SOX5: variants seen among roughly 807,000 people sequenced by gnomAD.
SOX5 encodes transcription factor SOX-5.
A neutral mutation model predicts 92.0 loss-of-function variants in SOX5; 9 were observed. The ratio of observed to expected loss-of-function variants is 0.10; its 90% CI spans 0.06 to 0.17. The LOEUF (loss-of-function observed/expected upper bound fraction) is 0.17, where lower values mean the gene tolerates loss of function less well. SOX5 is among the 10% of genes least tolerant of loss of function. The pLI, the probability that SOX5 is intolerant of heterozygous loss-of-function variation, is 1.00. For missense variants in SOX5, 642 were observed against 944.5 expected (o/e 0.68, Z 4.20); for synonymous variants, 344 against 336.3 (o/e 1.02, Z -0.25).
At chr12:24,320,235 T>C (rs1054022595) in intron 2 of SOX5, among the ~76,000 whole-genome samples, 5 of 152,206 alleles carry the variant, frequency 3.3e-5, no homozygotes, top group Admixed American at 1.3e-4. Context: ...CACAATCGAG[T>C]TAGAAATTGT....
At chr12:24,519,401 G>T (rs1950073851) in intron 1 of SOX5, among the ~76,000 whole-genome samples, 1 of 152,058 alleles carries the variant, frequency 6.6e-6, no homozygotes, top group African/African-American at 2.4e-5. Flanking sequence ...AGATGTGTAT[G>T]TGTTGTTGGG....
chr12:23,768,102 G>A (rs1457128629), intron 3 of SOX5, among the ~76,000 whole-genome samples: 2 of 152,040 alleles, frequency 1.3e-5, no homozygotes, highest in East Asian at 3.9e-4. Flanking sequence ...GTAGAAAAAT[G>A]CTTATTTACA....
rs140964988 is a variant in SOX5, at chr12:23,926,726, T to G, written c.38+22838A>C. On this transcript the variant is annotated intron_variant, in intron 1 of 14. Transcript: ENST00000451604. ...TTGATGACAGATTTGAGTGTTTATTTAATAGTGTCAAACAAATAGTATATG... is the reference window on the plus strand; with the variant it reads ...TTGATGACAGATTTGAGTGTTTATTGAATAGTGTCAAACAAATAGTATATG... 3.8e-3 allele frequency among the ~76,000 whole-genome samples: 575 copies of G among 152,228 alleles called. 14 individuals carry two copies. Among genetic ancestry groups the G allele is most frequent in the Admixed American group, 0.031 (474 of 15,278 alleles).
chr12:24,141,823 G>A (rs1049806827), intron 4 of SOX5, among the ~76,000 whole-genome samples: 2 of 152,186 alleles, frequency 1.3e-5, no homozygotes, highest in African/African-American at 2.4e-5. Context: ...CCAAAGGCAA[G>A]TTGGCATAGT....
At chr12:24,463,157 T>C (rs991648978) in intron 1 of SOX5, among the ~76,000 whole-genome samples, 3 of 151,776 alleles carry the variant, frequency 2.0e-5, no homozygotes, top group African/African-American at 7.3e-5. Flanking sequence ...CAGTGAGCCA[T>C]GATCATGCCA....
At chr12:24,463,923 T>C (rs1011586758) in intron 1 of SOX5, among the ~76,000 whole-genome samples, 2 of 152,202 alleles carry the variant, frequency 1.3e-5, no homozygotes, top group Non-Finnish European at 2.9e-5. Context: ...AATTGAAGAC[T>C]TCTCTTTGAA....
intron 3 of SOX5, among the ~76,000 whole-genome samples, chr12:23,770,434 T>A (rs1310523975): frequency 6.6e-6 from 1 of 152,136 alleles, no homozygotes; most frequent in Non-Finnish European, 1.5e-5. Flanking sequence ...CTGCATTAAT[T>A]CAAACACTGT....
intron 1 of SOX5, among the ~76,000 whole-genome samples, chr12:23,940,493 T>C (rs1943417016): frequency 6.6e-6 from 1 of 151,176 alleles, no homozygotes; most frequent in African/African-American, 2.4e-5. Context: ...GCAAATGTAG[T>C]TCAAAGTAAT....
At chr12:24,418,030 T>G (rs2136892449) in intron 1 of SOX5, among the ~76,000 whole-genome samples, 1 of 152,278 alleles carries the variant, frequency 6.6e-6, no homozygotes, top group South Asian at 2.1e-4. Context: ...AGGAATTATT[T>G]CAAAGATTTT....
chr12:24,375,736 CAAAAAAAA>C (rs34949948), intron 1 of SOX5, among the ~76,000 whole-genome samples: 1 of 120,352 alleles, frequency 8.3e-6, no homozygotes, highest in Non-Finnish European at 1.7e-5. Flanking sequence ...AACTCTGTCT[CAAAAAAAA>C]AAAAAAAAAA....
intron 4 of SOX5, among the ~76,000 whole-genome samples, chr12:24,144,800 G>C (rs1344892857): frequency 2.0e-5 from 3 of 151,932 alleles, no homozygotes; most frequent in Non-Finnish European, 4.4e-5. Context: ...CTGCAATCCA[G>C]CTTGGGTAAA....
chr12:24,199,090 C>T (rs903903589), intron 4 of SOX5, among the ~76,000 whole-genome samples: 3 of 152,136 alleles, frequency 2.0e-5, no homozygotes, highest in Non-Finnish European at 2.9e-5. Context: ...AGAGCACTGT[C>T]GGCCTGATGA....
chr12:23,559,503 G>A (rs1455186718), intron 11 of SOX5, among the ~76,000 whole-genome samples: 1 of 152,146 alleles, frequency 6.6e-6, no homozygotes, highest in African/African-American at 2.4e-5. Context: ...TCTCTTAGAA[G>A]TCTTCCATTA....
intron 1 of SOX5, among the ~76,000 whole-genome samples, chr12:23,898,407 C>A (rs1253072814): frequency 1.3e-5 from 2 of 152,134 alleles, no homozygotes; most frequent in Non-Finnish European, 2.9e-5. Context: ...TGACAAGAGC[C>A]AGTTTCTGAG....
intron 3 of SOX5, among the ~76,000 whole-genome samples, chr12:24,225,486 T>A (rs1171981234): frequency 6.6e-6 from 1 of 152,100 alleles, no homozygotes; most frequent in African/African-American, 2.4e-5. Flanking sequence ...GAGGTTTTTT[T>A]TTTTTTTCCC....
chr12:24,526,366 T>C (rs896717124), intron 1 of SOX5, among the ~76,000 whole-genome samples: 10 of 152,092 alleles, frequency 6.6e-5, no homozygotes, highest in Non-Finnish European at 1.2e-4. Context: ...TGGAGTCCTG[T>C]ATGAGCAGAC....
chr12:24,146,242 A>G (rs1351915517), intron 4 of SOX5, among the ~76,000 whole-genome samples: 3 of 152,146 alleles, frequency 2.0e-5, no homozygotes, highest in African/African-American at 7.2e-5. Context: ...CCATAAAACA[A>G]GTCTCAATAA....
At chr12:24,107,586 C>T (rs1774600617) in intron 4 of SOX5, among the ~76,000 whole-genome samples, 1 of 152,126 alleles carries the variant, frequency 6.6e-6, no homozygotes, top group African/African-American at 2.4e-5. Context: ...CTTAGTGTTT[C>T]ATTGGTGTTT....
At chr12:23,826,695 G>A (rs2096240731) in intron 3 of SOX5, among the ~76,000 whole-genome samples, 1 of 99,748 alleles carries the variant, frequency 1.0e-5, no homozygotes, top group South Asian at 3.5e-4. Flanking sequence ...AGAAAATTAG[G>A]GCTTAAAAAA....
Sources: gnomAD v4.1 joint callset for allele counts (sites outside exome capture counted in the v4.1 genomes callset) on GRCh38, gnomAD v4.1.1 for gene constraint, MANE v1.5 for transcripts, NCBI Gene and HGNC (gene_info 2026-07-23, HGNC 2026-07-21) for gene names.